Variants in USP34 observed in about 807,000 individuals in gnomAD.
The protein encoded by USP34 is ubiquitin carboxyl-terminal hydrolase 34.
USP34 carries 70 observed loss-of-function variants against 460.3 expected under a neutral mutation model. That is an observed-to-expected ratio of 0.15 (90% CI 0.13 to 0.19). The LOEUF (loss-of-function observed/expected upper bound fraction) is 0.19. Among genes scored for constraint, USP34 ranks in the 10% least tolerant of loss-of-function variants. The pLI, the probability that USP34 is intolerant of heterozygous loss-of-function variation, is 1.00. For synonymous variants in USP34, 1,647 were observed against 1,405.3 expected (o/e 1.17, Z -3.85); for missense variants, 3,985 against 4,236.2 (o/e 0.94, Z 1.65).
At chr2:61,281,529 G>T (rs1377483379) in intron 37 of USP34, among the ~76,000 whole-genome samples, 1 of 152,192 alleles carries the variant, frequency 6.6e-6, no homozygotes, top group Non-Finnish European at 1.5e-5. Flanking sequence ...AGAATTGCTT[G>T]AACCAGGGAG....
chr2:61,216,428 A>C (rs1056949274), intron 67 of USP34, among the ~76,000 whole-genome samples: 1 of 150,074 alleles, frequency 6.7e-6, no homozygotes, highest in East Asian at 2.0e-4. Context: ...GTGAAACCCC[A>C]TCTCTACTAA....
chr2:61,190,503 C>G lies in USP34; in HGVS notation c.9729+15G>C. 6.2e-7 allele frequency: 1 copy of G among 1,609,912 alleles called. No individual in the cohort carries two copies. ...AATTAGAAATGACACACTGAGTTTC[C>G]AAAGTACTACGTACCTTTAGAAGGA... On this transcript the variant is annotated intron_variant, in intron 77 of 79. Transcript: ENST00000398571.
chr2:61,260,482 G>A lies in USP34; in HGVS notation c.5779-706C>T, dbSNP rs1010159061. Reference sequence around the variant, plus strand: ...TTGAAAGTCTTGTGGAATAATAGGCGTCCACAAGCTAAGAGTATACATTAG... The same window carrying A: ...TTGAAAGTCTTGTGGAATAATAGGCATCCACAAGCTAAGAGTATACATTAG... On this transcript the variant is annotated intron_variant, in intron 43 of 79. Transcript: ENST00000398571. Among the ~76,000 whole-genome samples the A allele has an allele frequency of 3.3e-5, 5 of 152,176 alleles. No homozygotes were observed. The East Asian group carries it at 7.7e-4, about 23-fold the overall frequency.
intron 58 of USP34, among the ~76,000 whole-genome samples, chr2:61,231,500 C>T (rs1421298706): frequency 6.6e-6 from 1 of 152,026 alleles, no homozygotes; most frequent in Non-Finnish European, 1.5e-5. Flanking sequence ...ACTGCCTGAT[C>T]CCAGGAATTT....
chr2:61,335,593 C>CA (rs1226948314), intron 18 of USP34, among the ~76,000 whole-genome samples: 1 of 151,998 alleles, frequency 6.6e-6, no homozygotes, highest in African/African-American at 2.4e-5. Flanking sequence ...CAAAAAAATA[C>CA]AAAAAATTAG....
chr2:61,466,078 A>C lies in USP34; in HGVS notation c.43+4572T>G, dbSNP rs758141489. Among the ~76,000 whole-genome samples, 19 of 152,258 alleles carry C rather than the reference A, an allele frequency of 1.2e-4. No homozygotes were observed. The South Asian group carries it at 2.5e-3, about 20-fold the overall frequency. On this transcript the variant is annotated intron_variant, in intron 1 of 79. Coordinates refer to ENST00000398571, the MANE Select transcript of USP34 (RefSeq NM_014709.4). ...GAGATTTGTTAAAGAATATAAAATT[A>C]CAGTGAGATAGAAGGAATAAGTACT... is the stretch of plus-strand genomic sequence containing the variant.
rs190968623 is a variant in USP34 at position 61,195,285 on chromosome 2, T to C, written c.9509-2305A>G. Among the ~76,000 whole-genome samples the C allele has an allele frequency of 5.5e-4, 83 of 151,166 alleles. 2 individuals are homozygous for C. The East Asian group carries it at 0.016, about 29-fold the overall frequency. On this transcript the variant is annotated intron_variant, in intron 75 of 79. Transcript: ENST00000398571. Reference sequence around the variant, plus strand: ...GGTCTCAAACTCCTGGCATAATTCATCCTCTTGCATTGGCCTTTGAAAGTG... The same window carrying C: ...GGTCTCAAACTCCTGGCATAATTCACCCTCTTGCATTGGCCTTTGAAAGTG...
intron 2 of USP34, among the ~76,000 whole-genome samples, chr2:61,406,982 C>G (rs1481842516): frequency 6.6e-6 from 1 of 152,102 alleles, no homozygotes; most frequent in Admixed American, 6.6e-5. Context: ...TGCACTCCAG[C>G]CTGGGCAACA....
At chr2:61,324,272 C>A (rs1259037118) in intron 21 of USP34, among the ~76,000 whole-genome samples, 2 of 152,142 alleles carry the variant, frequency 1.3e-5, no homozygotes, top group Admixed American at 6.5e-5. Flanking sequence ...TGGTACACAA[C>A]CTGAATATAA....
At chr2:61,374,961 G>C (rs1248261123) in intron 8 of USP34, among the ~76,000 whole-genome samples, 1 of 152,086 alleles carries the variant, frequency 6.6e-6, no homozygotes, top group Non-Finnish European at 1.5e-5. Flanking sequence ...TGACCTAATA[G>C]ACATCTATAG....
intron 23 of USP34, 125 bp from the exon 24 acceptor site, chr2:61,315,099 A>C: frequency 1.6e-6 from 1 of 641,746 alleles, no homozygotes; most frequent in Non-Finnish European, 2.5e-6. Flanking sequence ...TAATAAAAAT[A>C]AATGATTTAA....
At chr2:61,213,857 C>T (rs1459556936) in intron 68 of USP34, among the ~76,000 whole-genome samples, 1 of 151,804 alleles carries the variant, frequency 6.6e-6, no homozygotes, top group African/African-American at 2.4e-5. Flanking sequence ...TTAACTTCAC[C>T]CTAAGAAAAG....
chr2:61,277,822 G>A (rs1262217870), intron 41 of USP34: 2 of 183,836 alleles, frequency 1.1e-5, no homozygotes, highest in Admixed American at 5.9e-5. Flanking sequence ...GAATCATGGC[G>A]GCGGTTTCCC....
intron 41 of USP34, among the ~76,000 whole-genome samples, chr2:61,273,261 T>C (rs995518466): frequency 4.6e-5 from 7 of 152,278 alleles, no homozygotes; most frequent in African/African-American, 1.2e-4. Context: ...CACAGGCAAA[T>C]TGAGTATCAT....
At chr2:61,295,105 A>G (rs543712984) in intron 31 of USP34, 63 bp downstream of exon 31, 5 of 1,596,794 alleles carry the variant, frequency 3.1e-6, no homozygotes, top group Non-Finnish European at 4.3e-6. Flanking sequence ...AAGACAATAC[A>G]TTATAGAATT....
chr2:61,298,373 A>AC (rs1411517590), intron 29 of USP34, among the ~76,000 whole-genome samples: 10 of 142,184 alleles, frequency 7.0e-5, no homozygotes, highest in Admixed American at 2.1e-4. Context: ...ACAAAAAAAA[A>AC]AAAAAAAAAA....
Position 61,343,926 on chromosome 2 carries a change from A to T in USP34, c.2389T>A (p.Ser797Thr). 2 of 1,613,952 alleles carry T rather than the reference A, an allele frequency of 1.2e-6. No homozygotes were observed. Among genetic ancestry groups the T allele is most frequent in the South Asian group, 2.2e-5 (2 of 91,076 alleles). ...KNMADFDGEE[S>T]GCEEELVQIN... ...TGAACTAGCTCCTCTTCACATCCAG[A>T]TTCTTCACCATCAAAATCAGCCATA... Residue 797 changes from serine (S) to threonine (T), a missense_variant, in exon 16 of 80, where the codon TCT (serine) becomes ACT (threonine). Physicochemically the swap from Ser to Thr is moderately conservative, Grantham distance 58. Coordinates refer to ENST00000398571, the MANE Select transcript of USP34 (RefSeq NM_014709.4).
chr2:61,375,920 A>G (rs1285057363), intron 8 of USP34, among the ~76,000 whole-genome samples: 3 of 152,170 alleles, frequency 2.0e-5, no homozygotes, highest in Non-Finnish European at 2.9e-5. Flanking sequence ...AATGAACCTC[A>G]AACAAACGAA....
At chr2:61,382,428 GTCTT>G (rs1553379969) in intron 6 of USP34, among the ~76,000 whole-genome samples, 1 of 152,038 alleles carries the variant, frequency 6.6e-6, no homozygotes, top group Non-Finnish European at 1.5e-5. Context: ...TCTACAATAC[GTCTT>G]TCTAATAATC....
Sources: gnomAD v4.1 joint callset for allele counts (sites outside exome capture counted in the v4.1 genomes callset) on GRCh38, gnomAD v4.1.1 for gene constraint, MANE v1.5 for transcripts, NCBI Gene and HGNC (gene_info 2026-07-23, HGNC 2026-07-21) for gene names.